Variants in GPR139 observed in about 807,000 individuals in gnomAD.
The protein encoded by GPR139 is probable G protein-coupled receptor 139.
A neutral mutation model predicts 25.8 loss-of-function variants in GPR139; 12 were observed. The observed-to-expected ratio is 0.47, with a 90% confidence interval of 0.30 to 0.75. GPR139 has a LOEUF of 0.75. Among genes scored for constraint, GPR139 ranks in the 30% least tolerant of loss-of-function variants. The probability of loss-of-function intolerance (pLI) is 0.07; values close to 1 mark genes in which losing one functional copy is unlikely to be tolerated. For synonymous variants in GPR139, 184 were observed against 179.9 expected, an observed-to-expected ratio of 1.02 and a Z score of -0.18; for missense variants, 380 against 450.2, an observed-to-expected ratio of 0.84 and a Z score of 1.41.
At position 20,032,360 on chromosome 16, in the gene GPR139, C is replaced by T. The variant is rs756813774; in HGVS notation, c.437G>A (p.Arg146Gln). Residue 146 changes from arginine to glutamine, a missense_variant, in exon 2 of 2, where the codon CGG becomes CAG. Physicochemically the swap from Arg to Gln is conservative, Grantham distance 43. Transcript: ENST00000570682. ...YHTVSYPART[R>Q]KVIVSVYITC... The stretch of plus-strand genomic sequence containing the variant: ...GATGTAAACACTTACAATGACTTTC[C>T]GGGTGCGGGCTGGGTATGAGACCGT... 2.7e-5 allele frequency: 44 copies of T among 1,614,036 alleles called. No homozygotes were observed. Among genetic ancestry groups the T allele is most frequent in the African/African-American group, 8.0e-5 (6 of 74,922 alleles).
intron 1 of GPR139, among the ~76,000 whole-genome samples, chr16:20,047,713 C>T (rs1302198809): frequency 6.8e-6 from 1 of 146,176 alleles, no homozygotes; most frequent in African/African-American, 2.5e-5. Flanking sequence ...ATTTAGAAGG[C>T]ATGTCCTAGC....
At chr16:20,068,831 A>AT (rs1222797735) in intron 1 of GPR139, among the ~76,000 whole-genome samples, 1 of 152,004 alleles carries the variant, frequency 6.6e-6, no homozygotes, top group African/African-American at 2.4e-5. Context: ...TCGATGTTAA[A>AT]TTTTGTCAAG....
At chr16:20,057,018 A>T (rs1415299296) in intron 1 of GPR139, among the ~76,000 whole-genome samples, 1 of 152,186 alleles carries the variant, frequency 6.6e-6, no homozygotes, top group African/African-American at 2.4e-5. Context: ...GAGAATCTTC[A>T]ATCAGGAAGG....
chr16:20,068,506 T>G (rs1667155168), intron 1 of GPR139, among the ~76,000 whole-genome samples: 1 of 152,232 alleles, frequency 6.6e-6, no homozygotes, highest in South Asian at 2.1e-4. Flanking sequence ...TAGGAGTTTT[T>G]GTGGTGTGGA....
intron 1 of GPR139, among the ~76,000 whole-genome samples, chr16:20,039,286 A>C (rs977206701): frequency 6.6e-6 from 1 of 152,206 alleles, no homozygotes; most frequent in Non-Finnish European, 1.5e-5. Context: ...CTGCTGGCCC[A>C]GAGAGAAAGG....
At position 20,040,167 on chromosome 16, in the gene GPR139, G is replaced by C. The variant is rs114255426; in HGVS notation, c.128-7498C>G. Among the ~76,000 whole-genome samples the C allele has an allele frequency of 8.5e-3, 1,291 of 152,300 alleles. 23 individuals are homozygous for C. The highest frequency in any genetic ancestry group is 0.03 in the African/African-American group (1,254 of 41,560). On this transcript the variant is annotated intron_variant, in intron 1 of 1. Coordinates refer to ENST00000570682, the MANE Select transcript of GPR139 (RefSeq NM_001002911.4). ...ATATCCAGCTCAATAAAGCTCCCAAGTGGGTGTAGTCCCACTGCTCACTGG... is the reference window on the plus strand; with the variant it reads ...ATATCCAGCTCAATAAAGCTCCCAACTGGGTGTAGTCCCACTGCTCACTGG...
chr16:20,065,354 C>T (rs2057428165), intron 1 of GPR139, among the ~76,000 whole-genome samples: 1 of 152,208 alleles, frequency 6.6e-6, no homozygotes, highest in Non-Finnish European at 1.5e-5. Flanking sequence ...GTAGCTCCCT[C>T]AGTCCCTATC....
rs2057295406 is a variant in GPR139, at chr16:20,032,679, G to A, written c.128-10C>T. On this transcript the variant is annotated splice_polypyrimidine_tract_variant and intron_variant, in intron 1 of 1. Transcript: ENST00000570682. Reference sequence around the variant, plus strand: ...ACTGTCAAGATATTTGCTGTGGAGAGAAGAAAAACTGGTTTAGCTCTGAAG... The same window carrying A: ...ACTGTCAAGATATTTGCTGTGGAGAAAAGAAAAACTGGTTTAGCTCTGAAG... 3 of 1,587,532 alleles carry A rather than the reference G, an allele frequency of 1.9e-6. No individual in the cohort carries two copies. The highest frequency in any genetic ancestry group is 2.6e-6 in the Non-Finnish European group (3 of 1,161,518).
Position 20,032,647 on chromosome 16 carries a change from G to A in GPR139, c.150C>T (p.Ile50=). 6.2e-7 allele frequency: 1 copy of A among 1,608,042 alleles called. No individual in the cohort carries two copies. The highest frequency in any genetic ancestry group is 1.7e-5 in the Admixed American group (1 of 59,942). ...GLPANILTVI[I]LSQLVARRQK... Reference sequence around the variant, plus strand: ...GTCTTCTTGCCACCAGCTGGGAGAGGATGATCACTGTCAAGATATTTGCTG... The same window carrying A: ...GTCTTCTTGCCACCAGCTGGGAGAGAATGATCACTGTCAAGATATTTGCTG... Residue 50 remains isoleucine, a synonymous_variant, in exon 2 of 2, where the codon ATC becomes ATT. Coordinates refer to ENST00000570682, the MANE Select transcript of GPR139 (RefSeq NM_001002911.4).
At position 20,031,658 on chromosome 16, in the gene GPR139, C is replaced by G; in HGVS notation, c.*77G>C. ...ATCGGATTAGCACTCTTAAGGAGAG[C>G]TGCTCAGCCATAGGATGGGACACCT... is the stretch of plus-strand genomic sequence containing the variant. On this transcript the variant is annotated 3_prime_UTR_variant, in exon 2 of 2. Transcript: ENST00000570682. The G allele has an allele frequency of 4.4e-6, 5 of 1,126,544 alleles. No individual in the cohort carries two copies. The highest frequency in any genetic ancestry group is 2.0e-4 in the Middle Eastern group (1 of 4,948). 69.8% of individuals were successfully genotyped at this position (1,126,544 alleles called of 1,614,324 possible).
At chr16:20,044,592 G>C (rs940372714) in intron 1 of GPR139, among the ~76,000 whole-genome samples, 1 of 152,162 alleles carries the variant, frequency 6.6e-6, no homozygotes, top group Admixed American at 6.5e-5. Context: ...TGAAAGAAGA[G>C]ATCCCTACTG....
rs1046002628 is a variant in GPR139 at position 20,029,741 on chromosome 16, T to A, written c.*1994A>T. On this transcript the variant is annotated 3_prime_UTR_variant, in exon 2 of 2. Transcript: ENST00000570682. Reference sequence around the variant, plus strand: ...CTCAGTCAGACGACTTCCATGAACTTCTTTGAGTGGAAGCATCTTGATGCA... The same window carrying A: ...CTCAGTCAGACGACTTCCATGAACTACTTTGAGTGGAAGCATCTTGATGCA... Among the ~76,000 whole-genome samples the A allele has an allele frequency of 9.9e-5, 15 of 152,092 alleles. No individual in the cohort carries two copies. The highest frequency in any genetic ancestry group is 2.1e-4 in the Non-Finnish European group (14 of 68,002).
chr16:20,046,018 T>C (rs1254213510), intron 1 of GPR139, among the ~76,000 whole-genome samples: 1 of 152,182 alleles, frequency 6.6e-6, no homozygotes, highest in Non-Finnish European at 1.5e-5. Flanking sequence ...CAGAGGCTAA[T>C]TGAGGCTCTG....
At chr16:20,044,592 G>T (rs940372714) in intron 1 of GPR139, among the ~76,000 whole-genome samples, 1 of 152,162 alleles carries the variant, frequency 6.6e-6, no homozygotes, top group Admixed American at 6.5e-5. Flanking sequence ...TGAAAGAAGA[G>T]ATCCCTACTG....
At chr16:20,041,971 A>G (rs939230104) in intron 1 of GPR139, among the ~76,000 whole-genome samples, 8 of 152,114 alleles carry the variant, frequency 5.3e-5, no homozygotes, top group African/African-American at 1.4e-4. Flanking sequence ...GCTGACTCTT[A>G]CCCAAAATAT....
rs554669394 is a variant in GPR139 at position 20,053,121 on chromosome 16, C to T, written c.127+20369G>A. The stretch of plus-strand genomic sequence containing the variant: ...ATTTAGGATTGGGTTTAGAGACTTG[C>T]CCAAGGTTACATAGCTGGTAAGTTA... On this transcript the variant is annotated intron_variant, in intron 1 of 1. Transcript: ENST00000570682. Among the ~76,000 whole-genome samples, 17 of 152,156 alleles carry T rather than the reference C, an allele frequency of 1.1e-4. No homozygotes were observed. The South Asian group carries it at 2.9e-3, about 26-fold the overall frequency.
chr16:20,043,215 C>T (rs546424648), intron 1 of GPR139, among the ~76,000 whole-genome samples: 2 of 152,302 alleles, frequency 1.3e-5, no homozygotes, highest in East Asian at 3.9e-4. Context: ...ACCAATTGAC[C>T]TCCTCTTGAC....
chr16:20,063,388 G>C (rs555078256), intron 1 of GPR139, among the ~76,000 whole-genome samples: 1 of 152,340 alleles, frequency 6.6e-6, no homozygotes, highest in Admixed American at 6.5e-5. Flanking sequence ...TGTAGTCCTA[G>C]CTACTCAGGA....
chr16:20,068,058 A>G (rs1372816123), intron 1 of GPR139, among the ~76,000 whole-genome samples: 1 of 152,056 alleles, frequency 6.6e-6, no homozygotes, highest in African/African-American at 2.4e-5. Flanking sequence ...TCGGATATGC[A>G]TGAAGATACC....
Sources: allele counts gnomAD v4.1 joint callset (sites outside exome capture counted in the v4.1 genomes callset), GRCh38; gene constraint gnomAD v4.1.1; transcripts MANE v1.5; gene names NCBI Gene and HGNC (gene_info 2026-07-23, HGNC 2026-07-21).